The following NEDD4L variants were observed in gnomAD, a reference collection of about 807,000 sequenced individuals.
NEDD4L encodes E3 ubiquitin-protein ligase NEDD4-like.
Under a neutral mutation model 148.9 loss-of-function variants are expected in NEDD4L, and 54 were observed. The observed-to-expected ratio is 0.36, with a 90% confidence interval of 0.29 to 0.45. The LOEUF (loss-of-function observed/expected upper bound fraction) is 0.45. NEDD4L is among the 20% of genes least tolerant of loss of function. NEDD4L has a pLI of 1.00. For synonymous variants in NEDD4L, 433 were observed against 440.7 expected (o/e 0.98, Z 0.22); for missense variants, 856 against 1,233.8 (o/e 0.69, Z 4.59).
chr18:58,131,690 A>G (rs2032177123), intron 1 of NEDD4L, among the ~76,000 whole-genome samples: 3 of 151,816 alleles, frequency 2.0e-5, no homozygotes, highest in Admixed American at 2.0e-4. Flanking sequence ...GTTGTGATCT[A>G]GTGGAACTGT....
intron 5 of NEDD4L, among the ~76,000 whole-genome samples, chr18:58,261,073 A>G (rs56346218): frequency 0.012 from 1,868 of 152,252 alleles, 22 homozygotes; most frequent in South Asian, 0.041. Context: ...CCATTTTTTG[A>G]TCAGTATGGC....
At chr18:58,318,250 C>T (rs1367378773) in intron 6 of NEDD4L, among the ~76,000 whole-genome samples, 2 of 152,210 alleles carry the variant, frequency 1.3e-5, no homozygotes, top group African/African-American at 4.8e-5. Context: ...GTCAAAACCA[C>T]CAAGCTTTAG....
chr18:58,237,168 G>T (rs773141704), intron 2 of NEDD4L, among the ~76,000 whole-genome samples: 6 of 152,142 alleles, frequency 3.9e-5, no homozygotes, highest in Non-Finnish European at 8.8e-5. Flanking sequence ...CTCTGGAGGA[G>T]GGGTAGACAG....
In NEDD4L at chr18:58,233,911, A is replaced by G. The variant is rs139884272; in HGVS notation, c.123-11516A>G. Among the ~76,000 whole-genome samples the G allele has an allele frequency of 6.0e-4, 91 of 151,334 alleles. 3 individuals carry two copies. The East Asian group carries it at 0.016, about 27-fold the overall frequency. ...TCTGTTCCTTGGCCTGTAAATGACA[A>G]TCTTCTCGTTGTATCTTCACATCGT... On this transcript the variant is annotated intron_variant, in intron 2 of 30. Coordinates refer to ENST00000400345, the MANE Select transcript of NEDD4L (RefSeq NM_001144967.3).
chr18:58,284,618 TTA>T (rs1367463132), intron 5 of NEDD4L, among the ~76,000 whole-genome samples: 1 of 152,214 alleles, frequency 6.6e-6, no homozygotes, highest in African/African-American at 2.4e-5. Context: ...ACACCCAGTC[TTA>T]TGGGCAAGCT....
At position 58,119,751 on chromosome 18, in the gene NEDD4L, A is replaced by G. The variant is rs148418027; in HGVS notation, c.49-46037A>G. Among the ~76,000 whole-genome samples the G allele has an allele frequency of 6.5e-3, 994 of 152,314 alleles. 7 individuals carry two copies. Among genetic ancestry groups the G allele is most frequent in the Non-Finnish European group, 8.9e-3 (604 of 68,036 alleles). ...TTTTCAATTTTGGCTGCACATCAGAATCACCTGGGGGAGGTTTAAAACCCT... is the reference window on the plus strand; with the variant it reads ...TTTTCAATTTTGGCTGCACATCAGAGTCACCTGGGGGAGGTTTAAAACCCT... On this transcript the variant is annotated intron_variant, in intron 1 of 30. Coordinates refer to ENST00000400345, the MANE Select transcript of NEDD4L (RefSeq NM_001144967.3).
chr18:58,387,935 C>G (rs2049265971), intron 27 of NEDD4L: 1 of 154,022 alleles, frequency 6.5e-6, no homozygotes, highest in African/African-American at 2.4e-5. Context: ...CCCCATCCAC[C>G]CCCACCGTGG....
At chr18:58,073,008 A>G (rs1319332233) in intron 1 of NEDD4L, among the ~76,000 whole-genome samples, 1 of 152,238 alleles carries the variant, frequency 6.6e-6, no homozygotes, top group Non-Finnish European at 1.5e-5. Context: ...AGTAGTATCA[A>G]AAAGAATAAA....
chr18:58,050,480 G>A (rs1184779659), intron 1 of NEDD4L, among the ~76,000 whole-genome samples: 1 of 151,278 alleles, frequency 6.6e-6, no homozygotes, highest in Non-Finnish European at 1.5e-5. Context: ...AATAATAACA[G>A]GCTGGGGCAG....
At chr18:58,162,060 A>G (rs2036282357) in intron 1 of NEDD4L, among the ~76,000 whole-genome samples, 1 of 152,170 alleles carries the variant, frequency 6.6e-6, no homozygotes, top group South Asian at 2.1e-4. Context: ...TTTCAGACAC[A>G]TTTTTATATG....
intron 2 of NEDD4L, among the ~76,000 whole-genome samples, chr18:58,212,453 A>G (rs2042689564): frequency 6.6e-6 from 1 of 151,202 alleles, no homozygotes; most frequent in Admixed American, 6.6e-5. Context: ...ATGCAGGGGA[A>G]CTCCCCTTTA....
At position 58,168,922 on chromosome 18, in the gene NEDD4L, G is replaced by C. The variant is rs182995538; in HGVS notation, c.122+3061G>C. Among the ~76,000 whole-genome samples the C allele has an allele frequency of 1.6e-4, 24 of 152,240 alleles. No homozygotes were observed. The East Asian group carries it at 3.3e-3, about 21-fold the overall frequency. ...AGGTTGGGAAGGGGTCGGTGGTTGC[G>C]GGGCAGAATGTGATGCTTGGGGATG... On this transcript the variant is annotated intron_variant, in intron 2 of 30. Transcript: ENST00000400345.
Position 58,399,553 on chromosome 18 carries a change from C to A in NEDD4L, c.*3284C>A. 1 of 152,320 alleles carries A rather than the reference C, an allele frequency of 6.6e-6. No homozygotes were observed. Among genetic ancestry groups the A allele is most frequent in the Non-Finnish European group, 1.5e-5 (1 of 68,118 alleles). The allele number at this position is 152,320 out of a possible 1,614,324, so 9.4% of individuals were successfully genotyped here. A position where few individuals can be genotyped will look rare whatever the true frequency, so the allele number is the denominator to read the frequency against. On this transcript the variant is annotated 3_prime_UTR_variant, in exon 31 of 31. Coordinates refer to ENST00000400345, the MANE Select transcript of NEDD4L (RefSeq NM_001144967.3). The stretch of plus-strand genomic sequence containing the variant: ...TCAGGCTGGAGTGCAGTGGCTCAAT[C>A]TCAGCTCACCACAACCTCTGCCTCC...
chr18:58,230,508 A>G (rs900277481), intron 2 of NEDD4L, among the ~76,000 whole-genome samples: 3 of 151,672 alleles, frequency 2.0e-5, no homozygotes, highest in Non-Finnish European at 4.4e-5. Flanking sequence ...TGTTTCCTAC[A>G]TTATAGAAAA....
intron 1 of NEDD4L, among the ~76,000 whole-genome samples, chr18:58,146,724 G>A (rs1037383099): frequency 1.3e-5 from 2 of 152,218 alleles, no homozygotes; most frequent in African/African-American, 4.8e-5. Context: ...GGGTGAGGAT[G>A]TGGAAGGGTG....
At position 58,398,271 on chromosome 18, in the gene NEDD4L, A is replaced by G. The variant is rs752516556; in HGVS notation, c.*2002A>G. The stretch of plus-strand genomic sequence containing the variant: ...CATGACAAATGTCTCAGTGGCAAAA[A>G]TCCCCTTTTTGTAAGCCCCCATAGT... On this transcript the variant is annotated 3_prime_UTR_variant, in exon 31 of 31. Coordinates refer to ENST00000400345, the MANE Select transcript of NEDD4L (RefSeq NM_001144967.3). 6 of 148,696 alleles carry G rather than the reference A, an allele frequency of 4.0e-5. No homozygotes were observed. The highest frequency in any genetic ancestry group is 5.9e-5 in the Non-Finnish European group (4 of 67,970). The allele number at this position is 148,696 out of a possible 1,614,324, so 9.2% of individuals were successfully genotyped here. A position where few individuals can be genotyped will look rare whatever the true frequency, so the allele number is the denominator to read the frequency against.
At chr18:58,167,706 G>C (rs1212483197) in intron 2 of NEDD4L, among the ~76,000 whole-genome samples, 1 of 151,240 alleles carries the variant, frequency 6.6e-6, no homozygotes, top group East Asian at 1.9e-4. Context: ...AACATATAGA[G>C]CATCAAGGGA....
Position 58,383,362 on chromosome 18 carries a change from A to G in NEDD4L, c.2426+43A>G. 3.6e-6 allele frequency: 4 copies of G among 1,099,276 alleles called. No individual in the cohort carries two copies. The South Asian group carries it at 4.1e-5, about 11-fold the overall frequency. The allele number at this position is 1,099,276 out of a possible 1,614,324, so 68.1% of individuals were successfully genotyped here. Reference sequence around the variant, plus strand: ...TACTGCCTTTTCTTTGAATAATTGAAATGCATGTTTGGTCACTGTCCCTTG... The same window carrying G: ...TACTGCCTTTTCTTTGAATAATTGAGATGCATGTTTGGTCACTGTCCCTTG... On this transcript the variant is annotated intron_variant, in intron 25 of 30. Coordinates refer to ENST00000400345, the MANE Select transcript of NEDD4L (RefSeq NM_001144967.3).
intron 1 of NEDD4L, among the ~76,000 whole-genome samples, chr18:58,130,066 C>T (rs2031820831): frequency 7.5e-6 from 1 of 133,600 alleles, no homozygotes. Context: ...TGGAATATGG[C>T]TGTGATCTAG....
Sources: gnomAD v4.1 joint callset for allele counts (sites outside exome capture counted in the v4.1 genomes callset) on GRCh38, gnomAD v4.1.1 for gene constraint, MANE v1.5 for transcripts, NCBI Gene and HGNC (gene_info 2026-07-23, HGNC 2026-07-21) for gene names.